The following KCNT1 variants were observed in gnomAD, a reference collection of about 807,000 sequenced individuals.
KCNT1 encodes the protein potassium sodium-activated channel subfamily T member 1.
Under a neutral mutation model 147.8 loss-of-function variants are expected in KCNT1, and 78 were observed. The observed-to-expected ratio is 0.53, with a 90% CI of 0.44 to 0.64. KCNT1 has a LOEUF of 0.64. Among genes scored for constraint, KCNT1 ranks in the 30% least tolerant of loss-of-function variants. KCNT1 has a pLI of 0.00. For synonymous variants in KCNT1, 867 were observed against 748.8 expected, an observed-to-expected ratio of 1.16 and a Z score of -2.58; for missense variants, 1,419 against 1,750.3, an observed-to-expected ratio of 0.81 and a Z score of 3.38.
At position 135,784,058 on chromosome 9, in the gene KCNT1, T is replaced by C. The variant is rs1318262895; in HGVS notation, c.2876T>C (p.Met959Thr). The C allele has an allele frequency of 1.9e-6, 3 of 1,605,962 alleles. No individual in the cohort carries two copies. Among genetic ancestry groups the C allele is most frequent in the Non-Finnish European group, 2.5e-6 (3 of 1,179,972 alleles). Residue 959 changes from methionine to threonine, a missense_variant, in exon 25 of 31, where the codon ATG becomes ACG. Met to Thr is a moderately conservative substitution (Grantham distance 81, BLOSUM62 -1). Coordinates refer to ENST00000371757, the MANE Select transcript of KCNT1 (RefSeq NM_020822.3). Reference protein sequence around the residue: ...ERENGSNLAFMFRLPFAAGRV... With the variant: ...ERENGSNLAFTFRLPFAAGRV... Reference sequence around the variant, plus strand: ...GAGAATGGCTCCAACCTGGCCTTCATGTTCCGCCTGCCGTTCGCCGCCGGC... The same window carrying C: ...GAGAATGGCTCCAACCTGGCCTTCACGTTCCGCCTGCCGTTCGCCGCCGGC...
intron 24 of KCNT1, among the ~76,000 whole-genome samples, chr9:135,783,028 G>A (rs114171891): frequency 0.019 from 2,880 of 152,320 alleles, 77 homozygotes; most frequent in African/African-American, 0.066. Flanking sequence ...GTTCCGGGGG[G>A]AAGTGTGGCC....
chr9:135,726,046 T>A (rs1452368966), intron 2 of KCNT1, among the ~76,000 whole-genome samples: 1 of 151,984 alleles, frequency 6.6e-6, no homozygotes, highest in Non-Finnish European at 1.5e-5. Context: ...GAGGGGCCTG[T>A]CAGGGCAAGA....
chr9:135,729,968 C>A lies in KCNT1; in HGVS notation c.254+15248C>A, dbSNP rs144095666. Among the ~76,000 whole-genome samples, 473 of 152,276 alleles carry A rather than the reference C, an allele frequency of 3.1e-3. 1 individual carries two copies. The highest frequency in any genetic ancestry group is 5.9e-3 in the Admixed American group (90 of 15,300). ...GTGTTCCCTCTGTGGCTCTTGGCCC[C>A]CTCTGAAGGCCCTTCCCAAGCCTGT... On this transcript the variant is annotated intron_variant, in intron 2 of 30. Transcript: ENST00000371757.
At chr9:135,750,445 A>T in intron 3 of KCNT1, 1 of 538,724 alleles carries the variant, frequency 1.9e-6, no homozygotes, top group Non-Finnish European at 3.4e-6. Context: ...TGCCTGCTGG[A>T]CACCAGGCTG....
intron 10 of KCNT1, among the ~76,000 whole-genome samples, chr9:135,759,254 G>A (rs1588329552): frequency 6.6e-6 from 1 of 152,330 alleles, no homozygotes; most frequent in East Asian, 1.9e-4. Flanking sequence ...GGTGGGTAAA[G>A]GGGCAAGGCT....
At chr9:135,725,052 T>TG (rs546806837) in intron 2 of KCNT1, among the ~76,000 whole-genome samples, 3 of 152,056 alleles carry the variant, frequency 2.0e-5, no homozygotes, top group Middle Eastern at 3.4e-3. Context: ...GGCAACTGCG[T>TG]GGGGGGGCGT....
At chr9:135,778,602 C>T (rs1564382184) in intron 22 of KCNT1, 86 bp from the exon 23 acceptor site, 1 of 1,602,986 alleles carries the variant, frequency 6.2e-7, no homozygotes, top group Admixed American at 1.7e-5. Context: ...GGGCTGAGGT[C>T]CTCCTGCCTT....
chr9:135,778,330 C>T (rs1021650353), intron 21 of KCNT1, 94 bp from the exon 22 acceptor site: 62 of 1,194,032 alleles, frequency 5.2e-5, no homozygotes, highest in Non-Finnish European at 6.9e-5. Flanking sequence ...CCCTGCCTGG[C>T]CCAGCTCTGT....
At chr9:135,792,011 C>T (rs763439145) in intron 30 of KCNT1, 30 bp from the exon 31 acceptor site, 1 of 1,602,412 alleles carries the variant, frequency 6.2e-7, no homozygotes, top group East Asian at 2.2e-5. Flanking sequence ...GGCCCACATC[C>T]ACTCCAGGGT....
chr9:135,705,470 G>A (rs552907055), intron 1 of KCNT1, among the ~76,000 whole-genome samples: 2 of 152,360 alleles, frequency 1.3e-5, no homozygotes, highest in South Asian at 2.1e-4. Flanking sequence ...CCGTGGGCAC[G>A]TGTGTGAGAG....
chr9:135,785,267 G>A, intron 27 of KCNT1, 43 bp from the exon 28 acceptor site: 1 of 1,610,732 alleles, frequency 6.2e-7, no homozygotes, highest in Non-Finnish European at 8.5e-7. Context: ...TGGGGGGCAG[G>A]GGTGCGCCCA....
rs1402483852 is a variant in KCNT1, at chr9:135,730,050, G to A, written c.254+15330G>A. 1.3e-5 allele frequency among the ~76,000 whole-genome samples: 2 copies of A among 152,138 alleles called. No individual in the cohort carries two copies. Among genetic ancestry groups the A allele is most frequent in the Non-Finnish European group, 2.9e-5 (2 of 68,042 alleles). ...CCTTTTTCTCTTCCTCCCTCCATCA[G>A]CGTTACCCACATTCTCCTCTGCACT... On this transcript the variant is annotated intron_variant, in intron 2 of 30. Transcript: ENST00000371757. This position sits in a 1 kb window ranked among gnomAD's most constrained non-coding sequence, Gnocchi z 4.7.
intron 21 of KCNT1, among the ~76,000 whole-genome samples, chr9:135,778,143 G>A (rs373040841): frequency 3.6e-4 from 55 of 152,288 alleles, no homozygotes; most frequent in African/African-American, 1.3e-3. Flanking sequence ...TTCCTCCTGG[G>A]CACCTTTTTG....
intron 17 of KCNT1, 115 bp downstream of exon 17, chr9:135,770,562 G>C: frequency 7.6e-7 from 1 of 1,323,526 alleles, no homozygotes; most frequent in South Asian, 1.4e-5. Context: ...CAGAGGGCTC[G>C]GGGGAGGGCA....
intron 8 of KCNT1, 31 bp from the exon 9 acceptor site, chr9:135,757,267 G>C: frequency 6.2e-7 from 1 of 1,611,740 alleles, no homozygotes; most frequent in Non-Finnish European, 8.5e-7. Flanking sequence ...GCGGGCCCTG[G>C]AGCCCCAGCC....
chr9:135,786,728 T>C (rs549582983), intron 29 of KCNT1, among the ~76,000 whole-genome samples: 1 of 152,336 alleles, frequency 6.6e-6, no homozygotes, highest in African/African-American at 2.4e-5. Flanking sequence ...AGAGGCCCCG[T>C]GCAGAGGAGG....
At position 135,775,359 on chromosome 9, in the gene KCNT1, A is replaced by G; in HGVS notation, c.2293A>G (p.Thr765Ala). 6.2e-7 allele frequency: 1 copy of G among 1,610,232 alleles called. No individual in the cohort carries two copies. The highest frequency in any genetic ancestry group is 8.5e-7 in the Non-Finnish European group (1 of 1,178,292). Residue 765 changes from threonine (T) to alanine (A), a missense_variant, in exon 20 of 31, where the codon ACC (threonine) becomes GCC (alanine). Physicochemically the swap from Thr to Ala is moderately conservative, Grantham distance 58. Transcript: ENST00000371757. ...CTCGCCCTACATCGGCAGCTCCCCA[A>G]CCCTGTGCCACCTCCTGCCTGTGAA... The part of the protein sequence containing the change: ...PNSPYIGSSP[T>A]LCHLLPVKAP...
At chr9:135,772,528 C>A (rs975291798) in intron 18 of KCNT1, among the ~76,000 whole-genome samples, 187 bp from the exon 19 acceptor site, 1 of 152,172 alleles carries the variant, frequency 6.6e-6, no homozygotes, top group African/African-American at 2.4e-5. Context: ...CATCGCCACC[C>A]CAGAGGCCAC....
intron 13 of KCNT1, 97 bp from the exon 14 acceptor site, chr9:135,768,513 C>T (rs532582501): frequency 3.5e-6 from 3 of 852,578 alleles, no homozygotes; most frequent in Admixed American, 2.4e-5. Context: ...GCACCAGCCT[C>T]CTCCCAGAGG....
Sources: gnomAD v4.1 joint callset for allele counts (sites outside exome capture counted in the v4.1 genomes callset) on GRCh38, gnomAD v4.1.1 for gene constraint, Gnocchi (gnomAD v3.1) non-coding constraint, MANE v1.5 for transcripts, NCBI Gene and HGNC (gene_info 2026-07-23, HGNC 2026-07-21) for gene names.